Variants in NFATC2 observed in about 807,000 individuals in gnomAD.
NFATC2 encodes the protein nuclear factor of activated T cells 2, also known as nuclear factor of activated T-cells, cytoplasmic 2.
A neutral mutation model predicts 87.3 loss-of-function variants in NFATC2; 22 were observed. That is an observed-to-expected ratio of 0.25 (90% CI 0.18 to 0.36). NFATC2 has a LOEUF of 0.36. Ranked by LOEUF, NFATC2 falls within the 10% of genes least tolerant of loss-of-function variation. NFATC2 has a pLI of 1.00. For synonymous variants in NFATC2, 565 were observed against 542.2 expected (o/e 1.04, Z -0.58); for missense variants, 1,149 against 1,259.1 (o/e 0.91, Z 1.32).
intron 6 of NFATC2, among the ~76,000 whole-genome samples, chr20:51,443,765 A>G (rs1256670205): frequency 2.0e-5 from 3 of 152,134 alleles, no homozygotes; most frequent in Admixed American, 6.5e-5. Flanking sequence ...TCTTGAGCAG[A>G]TGTTCAGGCA....
At chr20:51,405,956 T>G (rs1988525666) in intron 9 of NFATC2, among the ~76,000 whole-genome samples, 1 of 152,228 alleles carries the variant, frequency 6.6e-6, no homozygotes, top group East Asian at 1.9e-4. Context: ...TTTGCATTTT[T>G]AGTAGAGACA....
At chr20:51,496,903 AGCATCT>A (rs2075997914) in intron 3 of NFATC2, among the ~76,000 whole-genome samples, 1 of 152,240 alleles carries the variant, frequency 6.6e-6, no homozygotes, top group African/African-American at 2.4e-5. Context: ...GCTCACATTC[AGCATCT>A]GTTGACTGAA....
intron 5 of NFATC2, among the ~76,000 whole-genome samples, chr20:51,461,651 C>T (rs1021782246): frequency 1.3e-5 from 2 of 152,250 alleles, no homozygotes; most frequent in Non-Finnish European, 2.9e-5. Flanking sequence ...AAACTGACAC[C>T]GGCACAGGGT....
rs1472933557 is a variant in NFATC2, at chr20:51,524,059, G to A, written c.182C>T (p.Pro61Leu). ...VASPPSGPAY[P>L]DDVLDYGLKP... ...GAGGCCATAGTCCAGGACATCATCG[G>A]GGTATGCGGGTCCGGAGGGTGGGCT... Residue 61 changes from proline (P) to leucine (L), a missense_variant, in exon 2 of 11, where the codon CCC (proline) becomes CTC (leucine). Pro to Leu is a moderately conservative substitution (Grantham distance 98). This residue lies in a region of NFATC2 where 563 missense variants were observed against 585.2 expected (regional missense o/e 0.96). Coordinates refer to ENST00000371564, the MANE Select transcript of NFATC2 (RefSeq NM_012340.5). This position sits in a 1 kb window ranked among gnomAD's most constrained non-coding sequence, Gnocchi z 4.0. 1 of 1,501,738 alleles carries A rather than the reference G, an allele frequency of 6.7e-7. No homozygotes were observed. Among genetic ancestry groups the A allele is most frequent in the Non-Finnish European group, 8.9e-7 (1 of 1,128,430 alleles). The allele number at this position is 1,501,738 out of a possible 1,614,324, so 93.0% of individuals were successfully genotyped here.
chr20:51,531,535 A>T (rs1351895574), intron 1 of NFATC2, among the ~76,000 whole-genome samples: 1 of 152,154 alleles, frequency 6.6e-6, no homozygotes, highest in Non-Finnish European at 1.5e-5. Flanking sequence ...ACCAAGCAAG[A>T]GCTCTACGCT....
chr20:51,505,312 G>A (rs995158456), intron 3 of NFATC2, among the ~76,000 whole-genome samples: 6 of 151,586 alleles, frequency 4.0e-5, no homozygotes, highest in Non-Finnish European at 7.4e-5. Context: ...GAGCCACCAC[G>A]TCTGGCCATT....
At chr20:51,419,967 T>A (rs1980631928) in intron 9 of NFATC2, among the ~76,000 whole-genome samples, 1 of 151,114 alleles carries the variant, frequency 6.6e-6, no homozygotes, top group Non-Finnish European at 1.5e-5. Context: ...CCCATTAAAA[T>A]CTTAAAACAC....
chr20:51,483,092 C>T (rs564717935), intron 3 of NFATC2, among the ~76,000 whole-genome samples: 8 of 152,220 alleles, frequency 5.3e-5, no homozygotes, highest in South Asian at 2.1e-4. Flanking sequence ...CCAGCCCTTG[C>T]GTGCCCGTTC....
At chr20:51,536,598 T>C (rs1015210359) in intron 1 of NFATC2, among the ~76,000 whole-genome samples, 2 of 152,172 alleles carry the variant, frequency 1.3e-5, no homozygotes, top group Non-Finnish European at 2.9e-5. Flanking sequence ...GAGCCTCTAC[T>C]CCTGATCAAA....
intron 6 of NFATC2, 25 bp from the exon 7 acceptor site, chr20:51,435,786 C>G: frequency 6.3e-7 from 1 of 1,576,396 alleles, no homozygotes; most frequent in Non-Finnish European, 8.6e-7. Context: ...AAATGACAGA[C>G]TTTGAAGGAA....
At chr20:51,504,351 G>C (rs1256444957) in intron 3 of NFATC2, among the ~76,000 whole-genome samples, 1 of 152,166 alleles carries the variant, frequency 6.6e-6, no homozygotes, top group Admixed American at 6.5e-5. Context: ...GGCCAGGCCA[G>C]TCTTGAACTC....
intron 9 of NFATC2, among the ~76,000 whole-genome samples, chr20:51,426,044 TC>T (rs1417359914): frequency 6.6e-6 from 1 of 152,140 alleles, no homozygotes; most frequent in Non-Finnish European, 1.5e-5. Flanking sequence ...TGGGGCTACG[TC>T]CACTCATCTA....
At chr20:51,412,429 C>G (rs192731327) in intron 9 of NFATC2, among the ~76,000 whole-genome samples, 22 of 152,350 alleles carry the variant, frequency 1.4e-4, no homozygotes, top group Admixed American at 1.0e-3. Context: ...GCTGCTGCCC[C>G]CTTCTCCACA....
At chr20:51,484,441 C>T (rs1989536981) in intron 3 of NFATC2, among the ~76,000 whole-genome samples, 1 of 152,216 alleles carries the variant, frequency 6.6e-6, no homozygotes, top group Non-Finnish European at 1.5e-5. Flanking sequence ...TTGCTGCCTC[C>T]CCACTAGAAT....
chr20:51,529,056 T>C, intron 1 of NFATC2, among the ~76,000 whole-genome samples: 1 of 152,188 alleles, frequency 6.6e-6, no homozygotes, highest in Non-Finnish European at 1.5e-5. Context: ...CACAGAGTTT[T>C]AATCTAGGAA....
chr20:51,522,241 G>A (rs1164325007), intron 2 of NFATC2, among the ~76,000 whole-genome samples: 2 of 142,174 alleles, frequency 1.4e-5, no homozygotes, highest in Non-Finnish European at 3.1e-5. Context: ...TTTCTCACAG[G>A]GAGTAAACCA....
chr20:51,518,045 A>AT (rs1290438480), intron 2 of NFATC2, among the ~76,000 whole-genome samples: 6 of 152,362 alleles, frequency 3.9e-5, no homozygotes, highest in African/African-American at 1.4e-4. Context: ...GAGGCAGCAC[A>AT]TATTTCTTAC....
chr20:51,400,658 TTCATTCAA>T (rs1481985155), intron 9 of NFATC2, among the ~76,000 whole-genome samples: 6 of 152,182 alleles, frequency 3.9e-5, no homozygotes, highest in Non-Finnish European at 1.5e-5. Flanking sequence ...AGGGCCTGTC[TTCATTCAA>T]CTGAGGCCCG....
intron 10 of NFATC2, among the ~76,000 whole-genome samples, chr20:51,398,285 A>C (rs561576401): frequency 6.6e-6 from 1 of 152,186 alleles, no homozygotes; most frequent in Non-Finnish European, 1.5e-5. Context: ...CCGGACACCC[A>C]CCACGGATGG....
Sources: allele counts gnomAD v4.1 joint callset (sites outside exome capture counted in the v4.1 genomes callset), GRCh38; gene constraint gnomAD v4.1.1; regional missense constraint gnomAD v4.1.1; non-coding constraint Gnocchi (gnomAD v3.1); transcripts MANE v1.5; gene names NCBI Gene and HGNC (gene_info 2026-07-23, HGNC 2026-07-21).